DOCK9: variants seen among roughly 807,000 people sequenced by gnomAD.
DOCK9 encodes the protein dedicator of cytokinesis protein 9.
A neutral mutation model predicts 263.3 loss-of-function variants in DOCK9; 89 were observed. The ratio of observed to expected loss-of-function variants is 0.34; its 90% confidence interval spans 0.28 to 0.40. DOCK9 has a LOEUF of 0.40. DOCK9 is among the 10% of genes least tolerant of loss of function. DOCK9 has a pLI of 1.00. For missense variants in DOCK9, 2,140 were observed against 2,603.4 expected, an observed-to-expected ratio of 0.82 and a Z score of 3.87; for synonymous variants, 976 against 973.1, an observed-to-expected ratio of 1.00 and a Z score of -0.06.
At chr13:99,030,170 A>C (rs2142058048) in intron 1 of DOCK9, among the ~76,000 whole-genome samples, 1 of 152,346 alleles carries the variant, frequency 6.6e-6, no homozygotes, top group South Asian at 2.1e-4. Context: ...AATGTTCTGA[A>C]ATTAGATAAT....
chr13:98,927,828 T>A (rs1048204087), intron 3 of DOCK9, among the ~76,000 whole-genome samples: 2 of 151,638 alleles, frequency 1.3e-5, no homozygotes, highest in Non-Finnish European at 2.9e-5. Context: ...ACAATGTTGG[T>A]CAGGCTGGTC....
chr13:98,895,345 A>G (rs1357455674), intron 15 of DOCK9, among the ~76,000 whole-genome samples: 1 of 152,016 alleles, frequency 6.6e-6, no homozygotes, highest in African/African-American at 2.4e-5. Context: ...CTAAAATAAA[A>G]TGTAAAGGAA....
chr13:98,941,580 AT>A (rs2055860321), intron 2 of DOCK9, among the ~76,000 whole-genome samples: 1 of 151,930 alleles, frequency 6.6e-6, no homozygotes, highest in South Asian at 2.1e-4. Context: ...AGAATTATAT[AT>A]TTTTTTGGTC....
chr13:98,828,201 A>G (rs1229016191), intron 43 of DOCK9, among the ~76,000 whole-genome samples: 5 of 152,236 alleles, frequency 3.3e-5, no homozygotes, highest in Non-Finnish European at 5.9e-5. Context: ...CTGCCACTGC[A>G]ATCTTGGACT....
chr13:98,859,526 A>T (rs2093795392), intron 33 of DOCK9: 1 of 152,136 alleles, frequency 6.6e-6, no homozygotes, highest in Non-Finnish European at 1.5e-5. Flanking sequence ...GTAAAGACAT[A>T]ATCTCAGAGT....
intron 1 of DOCK9, among the ~76,000 whole-genome samples, chr13:99,045,668 T>C (rs760877806): frequency 5.9e-5 from 9 of 152,162 alleles, no homozygotes; most frequent in Non-Finnish European, 8.8e-5. Context: ...CTTAGCTTGA[T>C]TGAACCATTC....
rs953221601 is a variant in DOCK9, at chr13:98,794,436, A to G, written c.*190T>C. On this transcript the variant is annotated 3_prime_UTR_variant, in exon 53 of 53. Transcript: ENST00000682017. ...ACTTTGAATATTGCCAGTGAGATTT[A>G]AAAAAATATGTGCACCTTCTTACAA... 1.6e-6 allele frequency: 1 copy of G among 617,896 alleles called. No individual in the cohort carries two copies. Among genetic ancestry groups the G allele is most frequent in the African/African-American group, 1.9e-5 (1 of 53,442 alleles). The allele number at this position is 617,896 out of a possible 1,614,324, so 38.3% of individuals were successfully genotyped here.
upstream of DOCK9, among the ~76,000 whole-genome samples, chr13:99,086,836 C>A (rs1253864435): frequency 6.6e-6 from 1 of 150,404 alleles, no homozygotes; most frequent in Admixed American, 6.6e-5. Context: ...CCGCGCGGGA[C>A]CCTCACTGGG....
intron 1 of DOCK9, among the ~76,000 whole-genome samples, chr13:98,964,963 C>T (rs759339543): frequency 6.6e-6 from 1 of 152,202 alleles, no homozygotes; most frequent in Non-Finnish European, 1.5e-5. Flanking sequence ...GAGCCCCCTG[C>T]TCCACCTTCA....
chr13:98,821,873 A>T lies in DOCK9; in HGVS notation c.5130+2525T>A, dbSNP rs1430841818. On this transcript the variant is annotated intron_variant, in intron 45 of 52. Coordinates refer to ENST00000682017, the MANE Select transcript of DOCK9 (RefSeq NM_001366683.2). ...TTAATTATATCTAATAATGTAGATG[A>T]AAAGGGCAATGATTTTTATTCAACT... 3.3e-5 allele frequency among the ~76,000 whole-genome samples: 5 copies of T among 152,330 alleles called. No homozygotes were observed. The East Asian group carries it at 9.6e-4, about 29-fold the overall frequency.
chr13:98,941,418 A>G (rs1297005484), intron 2 of DOCK9, among the ~76,000 whole-genome samples: 1 of 152,232 alleles, frequency 6.6e-6, no homozygotes, highest in Non-Finnish European at 1.5e-5. Flanking sequence ...AGATTTCAGT[A>G]GACTTTGAGA....
At chr13:98,901,278 CA>C (rs2048240519) in intron 13 of DOCK9, among the ~76,000 whole-genome samples, 1 of 152,218 alleles carries the variant, frequency 6.6e-6, no homozygotes, top group South Asian at 2.1e-4. Flanking sequence ...AAACATACAT[CA>C]TGTATGTTTT....
chr13:99,075,031 T>C (rs996702724), intron 1 of DOCK9, among the ~76,000 whole-genome samples: 1 of 152,230 alleles, frequency 6.6e-6, no homozygotes, highest in Non-Finnish European at 1.5e-5. Flanking sequence ...GTTGCATCTT[T>C]ACATTTGTTT....
chr13:98,912,212 TA>T (rs898385103), intron 9 of DOCK9, among the ~76,000 whole-genome samples: 2 of 152,140 alleles, frequency 1.3e-5, no homozygotes, highest in Non-Finnish European at 2.9e-5. Flanking sequence ...TTTAGCTAAA[TA>T]AGCCTGACAC....
intron 8 of DOCK9, 26 bp downstream of exon 8, chr13:98,915,303 G>A (rs914120496): frequency 1.3e-5 from 21 of 1,607,708 alleles, no homozygotes; most frequent in Non-Finnish European, 1.7e-5. Context: ...GTGTGTATGT[G>A]CCTGGGGGAA....
chr13:98,952,694 T>C (rs1363628710), intron 2 of DOCK9, among the ~76,000 whole-genome samples: 1 of 152,224 alleles, frequency 6.6e-6, no homozygotes, highest in East Asian at 1.9e-4. Flanking sequence ...GCCTTTAGGA[T>C]CTGACCAGTA....
In DOCK9 at chr13:98,794,492, T is replaced by C; in HGVS notation, c.*134A>G. The C allele has an allele frequency of 3.2e-6, 3 of 942,314 alleles. No homozygotes were observed. Among genetic ancestry groups the C allele is most frequent in the South Asian group, 1.8e-5 (1 of 54,698 alleles). The allele number at this position is 942,314 out of a possible 1,614,324, so 58.4% of individuals were successfully genotyped here. ...ATAGAAAGTCTGTTAAGAAATAACG[T>C]TGTTCTTTATTTCCTTTCTCTCCCC... On this transcript the variant is annotated 3_prime_UTR_variant, in exon 53 of 53. Coordinates refer to ENST00000682017, the MANE Select transcript of DOCK9 (RefSeq NM_001366683.2).
At chr13:98,897,718 T>C in intron 14 of DOCK9, 108 bp from the exon 15 acceptor site, 7 of 1,422,502 alleles carry the variant, frequency 4.9e-6, no homozygotes, top group Middle Eastern at 1.9e-4. Context: ...CCATTGGCTA[T>C]AGCCAACAGA....
At chr13:98,957,928 C>T (rs1418398613) in intron 1 of DOCK9, among the ~76,000 whole-genome samples, 6 of 145,698 alleles carry the variant, frequency 4.1e-5, no homozygotes, top group Admixed American at 6.7e-5. Context: ...CCCCAGCTGC[C>T]TGCACAGGCA....
Sources: allele counts gnomAD v4.1 joint callset (sites outside exome capture counted in the v4.1 genomes callset), GRCh38; gene constraint gnomAD v4.1.1; transcripts MANE v1.5; gene names NCBI Gene and HGNC (gene_info 2026-07-23, HGNC 2026-07-21).